NEK6: variants seen among roughly 807,000 people sequenced by gnomAD.
NEK6 encodes the protein NIMA related kinase 6.
NEK6 carries 27 observed loss-of-function variants against 43.5 expected under a neutral mutation model. The ratio of observed to expected loss-of-function variants is 0.62; its 90% CI spans 0.46 to 0.86. NEK6 has a LOEUF of 0.86. NEK6 is among the 40% of genes least tolerant of loss of function. NEK6 has a pLI of 0.00. For missense variants in NEK6, 318 were observed against 414.4 expected (o/e 0.77, Z 2.02); for synonymous variants, 167 against 164.1 (o/e 1.02, Z -0.14).
intron 2 of NEK6, among the ~76,000 whole-genome samples, chr9:124,310,829 G>A (rs1291014232): frequency 1.3e-5 from 2 of 152,010 alleles, no homozygotes; most frequent in African/African-American, 2.4e-5. Context: ...TTAAGTGATC[G>A]CCCGCCTCGG....
At chr9:124,308,667 A>C (rs1050717302) in intron 2 of NEK6, among the ~76,000 whole-genome samples, 11 of 152,126 alleles carry the variant, frequency 7.2e-5, no homozygotes, top group South Asian at 2.1e-4. Flanking sequence ...AAAAAAAAAA[A>C]AAAAAAAACC....
At chr9:124,274,732 G>A (rs1831584665) in intron 1 of NEK6, among the ~76,000 whole-genome samples, 1 of 152,196 alleles carries the variant, frequency 6.6e-6, no homozygotes, top group East Asian at 1.9e-4. Context: ...ACATCTGATA[G>A]AATTTCAGGG....
chr9:124,343,259 G>T lies in NEK6; in HGVS notation c.717+3594G>T, dbSNP rs966477967. 6.6e-5 allele frequency among the ~76,000 whole-genome samples: 10 copies of T among 150,644 alleles called. No individual in the cohort carries two copies. The highest frequency in any genetic ancestry group is 2.2e-4 in the African/African-American group (9 of 40,840). On this transcript the variant is annotated intron_variant, in intron 8 of 9. Coordinates refer to ENST00000320246, the MANE Select transcript of NEK6 (RefSeq NM_014397.6). The surrounding 1 kb of genome is among the most constrained non-coding windows in gnomAD (Gnocchi z 5.1). The stretch of plus-strand genomic sequence containing the variant: ...GGTGAGGGGACGGATCGCAGCCGGG[G>T]GGTGGTACGGGGGATGGATCGCAGC...
At chr9:124,281,766 T>C (rs1831924340) in intron 1 of NEK6, among the ~76,000 whole-genome samples, 1 of 152,210 alleles carries the variant, frequency 6.6e-6, no homozygotes, top group African/African-American at 2.4e-5. Context: ...CCCAAAGTGC[T>C]GGGATTACAG....
intron 7 of NEK6, among the ~76,000 whole-genome samples, chr9:124,328,618 TGCG>T: frequency 6.6e-6 from 1 of 152,280 alleles, no homozygotes; most frequent in Admixed American, 6.5e-5. Flanking sequence ...CCCGAGTGCC[TGCG>T]GCAAGCGGGG....
chr9:124,292,947 A>G, intron 1 of NEK6: 2 of 1,570,612 alleles, frequency 1.3e-6, no homozygotes, highest in Non-Finnish European at 1.7e-6. Flanking sequence ...GGAGATGCCC[A>G]GGAGAGAAGT....
At chr9:124,257,779 G>A (rs1830863310), upstream of NEK6, 14 of 1,462,164 alleles carry the variant, frequency 9.6e-6, no homozygotes, top group Non-Finnish European at 1.3e-5. Context: ...CCTCGGCCGA[G>A]CGGATCGGCC....
intron 1 of NEK6, chr9:124,292,997 C>A: frequency 6.4e-7 from 1 of 1,569,178 alleles, no homozygotes. Context: ...AGGAGCAGAG[C>A]CTGCCAAGGC....
intron 2 of NEK6, among the ~76,000 whole-genome samples, chr9:124,307,333 C>T (rs1833304999): frequency 6.6e-6 from 1 of 152,142 alleles, no homozygotes; most frequent in Admixed American, 6.5e-5. Flanking sequence ...CAGTCATGCC[C>T]TGCCTCTTCC....
chr9:124,267,703 C>T lies in NEK6; in HGVS notation c.-30+9618C>T, dbSNP rs76007566. ...CCACTGGGACCCTGAAATGAGGAAGCCCTGTGACCAGGTTTCATGATGCCA... is the reference window on the plus strand; with the variant it reads ...CCACTGGGACCCTGAAATGAGGAAGTCCTGTGACCAGGTTTCATGATGCCA... On this transcript the variant is annotated intron_variant, in intron 1 of 9. Coordinates refer to ENST00000320246, the MANE Select transcript of NEK6 (RefSeq NM_014397.6). Among the ~76,000 whole-genome samples, 60 of 152,380 alleles carry T rather than the reference C, an allele frequency of 3.9e-4. No individual in the cohort carries two copies. The East Asian group carries it at 8.7e-3, about 22-fold the overall frequency.
chr9:124,323,638 G>A (rs774689726), intron 5 of NEK6, among the ~76,000 whole-genome samples: 39 of 152,242 alleles, frequency 2.6e-4, no homozygotes, highest in African/African-American at 5.3e-4. Context: ...TGGGGCTGCC[G>A]TCAGACAGGC....
intron 1 of NEK6, among the ~76,000 whole-genome samples, chr9:124,268,841 A>G (rs1831319207): frequency 6.6e-6 from 1 of 152,234 alleles, no homozygotes; most frequent in African/African-American, 2.4e-5. Context: ...CCAAATGCAC[A>G]GAACTGCAGC....
In NEK6 at chr9:124,351,069, A is replaced by C. The variant is rs1830252768; in HGVS notation, c.*122A>C. On this transcript the variant is annotated 3_prime_UTR_variant, in exon 10 of 10. Transcript: ENST00000320246. The stretch of plus-strand genomic sequence containing the variant: ...GACCACAGGGTTCAGCAGGTTCCCC[A>C]AAAGGCTGCCCAGCCTTACAGCAGA... 4.6e-6 allele frequency: 3 copies of C among 656,784 alleles called. No homozygotes were observed. Among genetic ancestry groups the C allele is most frequent in the Non-Finnish European group, 7.9e-6 (3 of 378,546 alleles). 40.7% of individuals were successfully genotyped at this position (656,784 alleles called of 1,614,324 possible).
At chr9:124,335,530 T>C (rs1265962593) in intron 7 of NEK6, among the ~76,000 whole-genome samples, 3 of 152,360 alleles carry the variant, frequency 2.0e-5, no homozygotes, top group South Asian at 2.1e-4. Flanking sequence ...TTTCAGACAG[T>C]TGAGCTCCGG....
chr9:124,293,123 G>A (rs1464287567), intron 1 of NEK6: 6 of 1,273,810 alleles, frequency 4.7e-6, no homozygotes, highest in Admixed American at 7.8e-5. Flanking sequence ...CTGCATTGTG[G>A]TCACCAAGGA....
Position 124,326,585 on chromosome 9 carries a change from G to T in NEK6, c.514+147G>T. 1.6e-6 allele frequency: 1 copy of T among 629,190 alleles called. No individual in the cohort carries two copies. Among genetic ancestry groups the T allele is most frequent in the South Asian group, 1.8e-5 (1 of 57,078 alleles). The allele number at this position is 629,190 out of a possible 1,614,324, so 39.0% of individuals were successfully genotyped here. The stretch of plus-strand genomic sequence containing the variant: ...CAGGCAAGGGGGCTGCCCAGCAACC[G>T]CGCACACACACGCGCCCGGGTCAGG... On this transcript the variant is annotated intron_variant, in intron 6 of 9. Transcript: ENST00000320246. The surrounding 1 kb of genome is among the most constrained non-coding windows in gnomAD (Gnocchi z 4.5).
At position 124,330,310 on chromosome 9, in the gene NEK6, G is replaced by A. The variant is rs545664751; in HGVS notation, c.622+2865G>A. Among the ~76,000 whole-genome samples the A allele has an allele frequency of 5.8e-4, 89 of 152,376 alleles. No homozygotes were observed. The Middle Eastern group carries it at 0.01, about 17-fold the overall frequency. Reference sequence around the variant, plus strand: ...ACATAAAAATTAAGTGACAGTACACGCCGGCGTAATGCAGGAAAAATGAAA... The same window carrying A: ...ACATAAAAATTAAGTGACAGTACACACCGGCGTAATGCAGGAAAAATGAAA... On this transcript the variant is annotated intron_variant, in intron 7 of 9. Coordinates refer to ENST00000320246, the MANE Select transcript of NEK6 (RefSeq NM_014397.6).
chr9:124,313,852 C>A (rs531390028), intron 3 of NEK6, 71 bp from the exon 4 acceptor site: 274 of 1,512,576 alleles, frequency 1.8e-4, no homozygotes, highest in Non-Finnish European at 2.2e-4. Context: ...GGAAAGCAGA[C>A]CCCGTGGCCT....
rs573893252 is a variant in NEK6, at chr9:124,290,091, C to T, written c.-29-11845C>T. Among the ~76,000 whole-genome samples, 60 of 152,346 alleles carry T rather than the reference C, an allele frequency of 3.9e-4. 1 individual carries two copies. Among genetic ancestry groups the T allele is most frequent in the Non-Finnish European group, 5.7e-4 (39 of 68,032 alleles). On this transcript the variant is annotated intron_variant, in intron 1 of 9. Transcript: ENST00000320246. Reference sequence around the variant, plus strand: ...AGATGCTGTGATTACGCGCCAGCCCCGTCACACCGTACGGGTGGTAGGACT... The same window carrying T: ...AGATGCTGTGATTACGCGCCAGCCCTGTCACACCGTACGGGTGGTAGGACT...
Sources: gnomAD v4.1 joint callset for allele counts (sites outside exome capture counted in the v4.1 genomes callset) on GRCh38, gnomAD v4.1.1 for gene constraint, Gnocchi (gnomAD v3.1) non-coding constraint, MANE v1.5 for transcripts, NCBI Gene and HGNC (gene_info 2026-07-23, HGNC 2026-07-21) for gene names.